TCF25: variants seen among roughly 807,000 people sequenced by gnomAD.
The protein encoded by TCF25 is TCF25 ribosome quality control complex subunit.
A neutral mutation model predicts 83.1 loss-of-function variants in TCF25; 41 were observed. The ratio of observed to expected loss-of-function variants is 0.49; its 90% CI spans 0.38 to 0.64. TCF25 has a LOEUF of 0.64. TCF25 is among the 30% of genes least tolerant of loss of function. The pLI, the probability that TCF25 is intolerant of heterozygous loss-of-function variation, is 0.00. For synonymous variants in TCF25, 458 were observed against 365.0 expected (o/e 1.25, Z -2.90); for missense variants, 979 against 914.5 (o/e 1.07, Z -0.91).
chr16:89,887,542 A>G, intron 4 of TCF25, 110 bp from the exon 5 acceptor site: 1 of 1,107,174 alleles, frequency 9.0e-7, no homozygotes, highest in East Asian at 3.1e-5. Context: ...GCTGCCTTTC[A>G]AACCAAAAAT....
At chr16:89,910,770 AG>A in intron 17 of TCF25, 107 bp downstream of exon 17, 4 of 1,306,920 alleles carry the variant, frequency 3.1e-6, no homozygotes, top group Non-Finnish European at 4.3e-6. Flanking sequence ...CAGCCGGCAC[AG>A]GGAGCAGGGA....
At position 89,904,589 on chromosome 16, in the gene TCF25, TAAAC is replaced by T. The variant is rs934381543; in HGVS notation, c.1470-345_1470-342del. 2.4e-4 allele frequency: 119 copies of T among 487,354 alleles called. 1 individual carries two copies. The highest frequency in any genetic ancestry group is 1.1e-3 in the South Asian group (54 of 48,970). 30.2% of individuals were successfully genotyped at this position (487,354 alleles called of 1,614,324 possible). A position where few individuals can be genotyped will look rare whatever the true frequency, so the allele number is the denominator to read the frequency against. On this transcript the variant is annotated intron_variant, in intron 13 of 17. Coordinates refer to ENST00000263346, the MANE Select transcript of TCF25 (RefSeq NM_014972.3). The stretch of plus-strand genomic sequence containing the variant: ...TGAGACCCCGTCTCAAAAAACAAAA[TAAAC>T]AAAGAGGGAGCAAACACAGGAGAAA...
chr16:89,888,386 G>A (rs1226327275), intron 5 of TCF25, among the ~76,000 whole-genome samples: 2 of 151,866 alleles, frequency 1.3e-5, no homozygotes, highest in South Asian at 2.1e-4. Context: ...TCACGAGTTC[G>A]AGATCAGCCT....
chr16:89,910,698 G>T, intron 17 of TCF25, 35 bp downstream of exon 17: 1 of 1,605,444 alleles, frequency 6.2e-7, no homozygotes, highest in East Asian at 2.2e-5. Flanking sequence ...TGCCTCCCCA[G>T]TGGGTGCGGG....
At position 89,894,354 on chromosome 16, in the gene TCF25, TGCAGCCCCGGACGGCCCCCGC is replaced by T. The variant is rs1167172816; in HGVS notation, c.828+505_828+525del. 4.5e-5 allele frequency among the ~76,000 whole-genome samples: 6 copies of T among 133,392 alleles called. No homozygotes were observed. In the East Asian group the frequency reaches 1.0e-3, roughly 23 times the overall value. The allele number at this position is 133,392 out of a possible 152,430, so 87.5% of individuals were successfully genotyped here. ...CATGCAGCCCCTGGACAGCTCCCCT[TGCAGCCCCGGACGGCCCCCGC>T]GCAGCCCCAGACAGCCCCCGGGCGG... On this transcript the variant is annotated intron_variant, in intron 7 of 17. Coordinates refer to ENST00000263346, the MANE Select transcript of TCF25 (RefSeq NM_014972.3).
At chr16:89,876,942 A>AAG (rs2042238234) in intron 1 of TCF25, among the ~76,000 whole-genome samples, 1 of 148,790 alleles carries the variant, frequency 6.7e-6, no homozygotes, top group African/African-American at 2.5e-5. Context: ...AAAAAAAAAA[A>AAG]AAAAAAAAAA....
rs188490381 is a variant in TCF25, at chr16:89,887,056, G to C, written c.549-596G>C. ...TTCCTTCTTTTTCTTTTTTTTAAGA[G>C]ACAGGATCTCTCTATCACCCAGGCT... On this transcript the variant is annotated intron_variant, in intron 4 of 17. Transcript: ENST00000263346. 1.1e-3 allele frequency among the ~76,000 whole-genome samples: 163 copies of C among 151,780 alleles called. 1 individual carries two copies. The highest frequency in any genetic ancestry group is 3.6e-3 in the African/African-American group (147 of 41,398).
intron 9 of TCF25, among the ~76,000 whole-genome samples, chr16:89,897,598 T>G (rs955130429): frequency 1.3e-5 from 2 of 152,204 alleles, no homozygotes; most frequent in African/African-American, 4.8e-5. Context: ...AATTCTTAGT[T>G]CTTTGAAGTA....
At chr16:89,897,882 G>A (rs1234762065) in intron 9 of TCF25, among the ~76,000 whole-genome samples, 1 of 152,198 alleles carries the variant, frequency 6.6e-6, no homozygotes, top group African/African-American at 2.4e-5. Context: ...TTGGGAGACC[G>A]AGGCAGGTGG....
intron 1 of TCF25, among the ~76,000 whole-genome samples, chr16:89,874,265 C>T (rs116367820): frequency 0.042 from 6,221 of 148,248 alleles, 455 homozygotes; most frequent in African/African-American, 0.15. Flanking sequence ...AATGGGCCTG[C>T]GGCCACGTGG....
intron 7 of TCF25, among the ~76,000 whole-genome samples, chr16:89,894,724 C>T (rs889977313): frequency 5.9e-5 from 9 of 152,136 alleles, no homozygotes; most frequent in African/African-American, 1.4e-4. Flanking sequence ...AGTGCATTGG[C>T]GCAGTCTCGG....
chr16:89,906,079 C>G (rs536521840), intron 14 of TCF25, 115 bp from the exon 15 acceptor site: 3 of 891,442 alleles, frequency 3.4e-6, no homozygotes, highest in Non-Finnish European at 5.2e-6. Flanking sequence ...TTGCAGCCAC[C>G]AGAGATGCAG....
At chr16:89,889,165 T>A (rs2043237697) in intron 5 of TCF25, 1 of 378,910 alleles carries the variant, frequency 2.6e-6, no homozygotes, top group African/African-American at 2.2e-5. Flanking sequence ...GGACTCTCCA[T>A]CGAAGTGTCC....
At chr16:89,891,269 T>C (rs1007176299) in intron 5 of TCF25, among the ~76,000 whole-genome samples, 1 of 152,190 alleles carries the variant, frequency 6.6e-6, no homozygotes, top group Non-Finnish European at 1.5e-5. Flanking sequence ...TCTGTACATC[T>C]GGCCCAGGAG....
At chr16:89,910,336 CGCCACGCCTGCCTCAGCTGA>C (rs1471128172) in intron 16 of TCF25, 12 of 550,552 alleles carry the variant, frequency 2.2e-5, no homozygotes, top group African/African-American at 1.9e-4. Context: ...TCGCTCCGGA[CGCCACGCCTGCCTCAGCTGA>C]GTTGGTCTCC....
At chr16:89,892,430 C>T (rs772123276) in intron 6 of TCF25, among the ~76,000 whole-genome samples, 155 bp downstream of exon 6, 3 of 152,022 alleles carry the variant, frequency 2.0e-5, no homozygotes, top group Non-Finnish European at 4.4e-5. Context: ...CGCTGGGCAC[C>T]AGGGGCGTCA....
chr16:89,891,706 A>T (rs765803625), intron 5 of TCF25, among the ~76,000 whole-genome samples: 11 of 152,220 alleles, frequency 7.2e-5, no homozygotes, highest in Non-Finnish European at 8.8e-5. Flanking sequence ...AGTGATGGGC[A>T]TGTGGATATT....
intron 17 of TCF25, 53 bp downstream of exon 17, chr16:89,910,716 A>G: frequency 1.3e-6 from 2 of 1,581,898 alleles, no homozygotes. Context: ...GGGCATATCC[A>G]TTCCAGTGCG....
chr16:89,910,540 C>A (rs1273108055), intron 16 of TCF25, 51 bp from the exon 17 acceptor site: 1 of 1,597,620 alleles, frequency 6.3e-7, no homozygotes, highest in Non-Finnish European at 8.6e-7. Context: ...GGGTTGGGTC[C>A]CACGAGTCTC....
Sources: gnomAD v4.1 joint callset for allele counts (sites outside exome capture counted in the v4.1 genomes callset) on GRCh38, gnomAD v4.1.1 for gene constraint, MANE v1.5 for transcripts, NCBI Gene and HGNC (gene_info 2026-07-23, HGNC 2026-07-21) for gene names.